Variants in TRPM3 observed in about 807,000 individuals in gnomAD.
TRPM3 encodes transient receptor potential cation channel subfamily M member 3.
Under a neutral mutation model 181.2 loss-of-function variants are expected in TRPM3, and 77 were observed. The observed-to-expected ratio is 0.42, with a 90% CI of 0.35 to 0.51. The LOEUF is 0.51. Ranked by LOEUF, TRPM3 falls within the 20% of genes least tolerant of loss-of-function variation. The pLI is 0.01. For synonymous variants in TRPM3, 745 were observed against 796.4 expected (o/e 0.94, Z 1.09); for missense variants, 1,759 against 2,196.7 (o/e 0.80, Z 3.98).
chr9:71,264,472 T>G (rs2083258271), intron 1 of TRPM3, among the ~76,000 whole-genome samples: 1 of 152,070 alleles, frequency 6.6e-6, no homozygotes, highest in Non-Finnish European at 1.5e-5. Flanking sequence ...CAGTAAGCGA[T>G]CCAAAAAAAA....
At chr9:71,398,101 T>C (rs2093244028) in intron 1 of TRPM3, among the ~76,000 whole-genome samples, 1 of 152,216 alleles carries the variant, frequency 6.6e-6, no homozygotes, top group Non-Finnish European at 1.5e-5. Context: ...CCCCATGATC[T>C]GCCCCATGAT....
chr9:70,760,819 A>G (rs557681118), intron 8 of TRPM3: 27 of 152,220 alleles, frequency 1.8e-4, no homozygotes, highest in African/African-American at 6.5e-4. Flanking sequence ...CTGAATAAAA[A>G]TACTCCATAC....
intron 1 of TRPM3, among the ~76,000 whole-genome samples, chr9:71,421,524 C>T (rs2093774056): frequency 6.6e-6 from 1 of 151,936 alleles, no homozygotes; most frequent in Admixed American, 6.6e-5. Flanking sequence ...CTGCAGACAT[C>T]ATCAGAGGAA....
chr9:71,287,669 A>C (rs993459376), intron 1 of TRPM3, among the ~76,000 whole-genome samples: 3 of 151,176 alleles, frequency 2.0e-5, no homozygotes, highest in Non-Finnish European at 4.4e-5. Flanking sequence ...TATTAATGCT[A>C]TAATACAATT....
intron 1 of TRPM3, among the ~76,000 whole-genome samples, chr9:70,989,385 A>G (rs2097454294): frequency 6.6e-6 from 1 of 152,196 alleles, no homozygotes; most frequent in Admixed American, 6.5e-5. Context: ...TTTAGTTTGT[A>G]ATAAATCCTC....
At chr9:71,051,520 C>T (rs910575969) in intron 1 of TRPM3, among the ~76,000 whole-genome samples, 2 of 152,096 alleles carry the variant, frequency 1.3e-5, no homozygotes, top group African/African-American at 4.8e-5. Flanking sequence ...ATCCTCCACC[C>T]ATAGCATGCC....
intron 9 of TRPM3, among the ~76,000 whole-genome samples, chr9:70,668,502 A>C (rs995703348): frequency 1.3e-5 from 2 of 151,826 alleles, no homozygotes; most frequent in Admixed American, 1.3e-4. Context: ...GTCTCTACTA[A>C]AAAATACAAA....
In TRPM3 at chr9:70,793,733, G is replaced by T. The variant is rs556181932; in HGVS notation, c.974-9454C>A. 25 of 444,752 alleles carry T rather than the reference G, an allele frequency of 5.6e-5. 1 individual carries two copies. Among genetic ancestry groups the T allele is most frequent in the African/African-American group, 5.0e-4 (25 of 49,524 alleles). The allele number at this position is 444,752 out of a possible 1,614,324, so 27.6% of individuals were successfully genotyped here. ...AAGAGTCAAGACAGTCCCTCACTTAGAATGATTCAACTTGCAATTTTTCAA... is the reference window on the plus strand; with the variant it reads ...AAGAGTCAAGACAGTCCCTCACTTATAATGATTCAACTTGCAATTTTTCAA... On this transcript the variant is annotated intron_variant, in intron 6 of 25. Coordinates refer to ENST00000677713, the MANE Select transcript of TRPM3 (RefSeq NM_001366145.2).
intron 1 of TRPM3, among the ~76,000 whole-genome samples, chr9:71,367,351 G>A (rs2092367858): frequency 6.6e-6 from 1 of 152,114 alleles, no homozygotes; most frequent in South Asian, 2.1e-4. Flanking sequence ...CAGACACTAG[G>A]TCTAAGACTA....
At chr9:70,829,168 T>C (rs1364657164) in intron 5 of TRPM3, among the ~76,000 whole-genome samples, 1 of 152,218 alleles carries the variant, frequency 6.6e-6, no homozygotes, top group African/African-American at 2.4e-5. Context: ...ACATTAATTA[T>C]AGAATTGAGA....
chr9:71,389,541 T>C (rs1032693488), intron 1 of TRPM3, among the ~76,000 whole-genome samples: 6 of 152,128 alleles, frequency 3.9e-5, no homozygotes, highest in Non-Finnish European at 7.4e-5. Flanking sequence ...CGCAGGTTTA[T>C]AGTAGCACAA....
chr9:71,225,221 A>T (rs549271077), intron 1 of TRPM3, among the ~76,000 whole-genome samples: 45 of 152,316 alleles, frequency 3.0e-4, no homozygotes, highest in African/African-American at 9.1e-4. Flanking sequence ...TCCTAAAAGC[A>T]GCAAGAGAAA....
rs762664884 is a variant in TRPM3, at chr9:71,332,687, C to A, written c.183+113966G>T. 2.0e-4 allele frequency among the ~76,000 whole-genome samples: 30 copies of A among 151,638 alleles called. 1 individual carries two copies. The highest frequency in any genetic ancestry group is 3.3e-4 in the Admixed American group (5 of 15,238). On this transcript the variant is annotated intron_variant, in intron 1 of 24. Coordinates refer to the TRPM3 transcript ENST00000357533. ...GCACAATTTCATGAAGATGCTACTTCACACCATTGAGCATTCATATACAAT... is the reference window on the plus strand; with the variant it reads ...GCACAATTTCATGAAGATGCTACTTAACACCATTGAGCATTCATATACAAT...
At chr9:71,108,868 GGCTGTGGTGCCCAGA>G (rs1307408304) in intron 1 of TRPM3, among the ~76,000 whole-genome samples, 12 of 152,064 alleles carry the variant, frequency 7.9e-5, no homozygotes, top group African/African-American at 2.9e-4. Context: ...AACTTCTCTG[GGCTGTGGTGCCCAGA>G]GATTTGGTCA....
rs573132434 is a variant in TRPM3 at position 70,680,007 on chromosome 9, G to A, written c.1345+1499C>T. ...TTGGGATAAAATGCTTTAGAGCAGC[G>A]GTTCTCAAGCTGGACACATGATATG... On this transcript the variant is annotated intron_variant, in intron 9 of 25. Transcript: ENST00000677713. Among the ~76,000 whole-genome samples, 117 of 152,230 alleles carry A rather than the reference G, an allele frequency of 7.7e-4. No homozygotes were observed. The South Asian group carries it at 0.011, about 15-fold the overall frequency.
intron 1 of TRPM3, among the ~76,000 whole-genome samples, chr9:71,107,239 A>C (rs2069856130): frequency 6.6e-6 from 1 of 152,096 alleles, no homozygotes; most frequent in Non-Finnish European, 1.5e-5. Flanking sequence ...ATTCCCTTCA[A>C]GGGAGTTCCC....
At chr9:70,552,002 C>T (rs1392429275) in intron 24 of TRPM3, among the ~76,000 whole-genome samples, 1 of 152,164 alleles carries the variant, frequency 6.6e-6, no homozygotes, top group African/African-American at 2.4e-5. Context: ...TGGTTTCAAA[C>T]CTTAGATATA....
intron 1 of TRPM3, among the ~76,000 whole-genome samples, chr9:71,145,443 T>C (rs2075352525): frequency 1.3e-5 from 2 of 152,256 alleles, no homozygotes; most frequent in African/African-American, 4.8e-5. Flanking sequence ...TCTGAGAGAA[T>C]GCAGAAAATA....
intron 1 of TRPM3, among the ~76,000 whole-genome samples, chr9:71,039,361 C>G (rs1020836941): frequency 2.6e-5 from 4 of 152,236 alleles, no homozygotes; most frequent in Middle Eastern, 6.8e-3. Flanking sequence ...ACATTAAGTA[C>G]TTAAATATCC....
Sources: gnomAD v4.1 joint callset for allele counts (sites outside exome capture counted in the v4.1 genomes callset) on GRCh38, gnomAD v4.1.1 for gene constraint, MANE v1.5 for transcripts, NCBI Gene and HGNC (gene_info 2026-07-23, HGNC 2026-07-21) for gene names.